Variants in ZNF136 observed in about 807,000 individuals in gnomAD.
The protein encoded by ZNF136 is zinc finger protein 136 (clone pHZ-20).
Under a neutral mutation model 11.4 loss-of-function variants are expected in ZNF136, and 8 were observed. The ratio of observed to expected loss-of-function variants is 0.70; its 90% confidence interval spans 0.41 to 1.27. The LOEUF is 1.27. Among genes scored for constraint, ZNF136 ranks in the 50% most tolerant of loss-of-function variants. ZNF136 has a pLI of 0.01. For synonymous variants in ZNF136, 190 were observed against 207.1 expected (o/e 0.92, Z 0.71); for missense variants, 590 against 656.5 (o/e 0.90, Z 1.11).
At chr19:12,172,518 T>C (rs910838606) in intron 1 of ZNF136, among the ~76,000 whole-genome samples, 6 of 152,228 alleles carry the variant, frequency 3.9e-5, no homozygotes, top group Admixed American at 3.3e-4. Flanking sequence ...CCATTGTCAG[T>C]TTAATCCTAG....
chr19:12,172,246 G>A (rs556619578), intron 1 of ZNF136, among the ~76,000 whole-genome samples: 2 of 152,098 alleles, frequency 1.3e-5, no homozygotes, highest in Non-Finnish European at 2.9e-5. Flanking sequence ...ACTGTGCCTG[G>A]CTGCTTTTGT....
intron 1 of ZNF136, among the ~76,000 whole-genome samples, chr19:12,183,374 G>T (rs1914994060): frequency 6.6e-6 from 1 of 152,078 alleles, no homozygotes; most frequent in Non-Finnish European, 1.5e-5. Context: ...GAGCTCAAGT[G>T]ATCCTCCTAC....
chr19:12,185,059 A>C (rs867768430), intron 1 of ZNF136: 1 of 152,234 alleles, frequency 6.6e-6, no homozygotes, highest in Non-Finnish European at 1.5e-5. Flanking sequence ...GATCAGTGCT[A>C]ACTCATAGGC....
At position 12,179,000 on chromosome 19, in the gene ZNF136, AAAAG is replaced by A. The variant is rs202191242; in HGVS notation, c.4-6773_4-6770del. On this transcript the variant is annotated intron_variant, in intron 1 of 3. Coordinates refer to ENST00000343979, the MANE Select transcript of ZNF136 (RefSeq NM_003437.5). ...TGAGACTCTGTCTCACAAAAGAAAAAAAAGAAAGAAAGAAAAAAAAAAAAGAAAA... is the reference window on the plus strand; with the variant it reads ...TGAGACTCTGTCTCACAAAAGAAAAAAAAGAAAGAAAAAAAAAAAAGAAAA... 4.1e-3 allele frequency among the ~76,000 whole-genome samples: 629 copies of A among 152,188 alleles called. 5 individuals are homozygous for A. Among genetic ancestry groups the A allele is most frequent in the African/African-American group, 1.0e-2 (414 of 41,530 alleles).
chr19:12,186,612 T>C lies in ZNF136; in HGVS notation c.234T>C (p.Ser78=). 6.2e-7 allele frequency: 1 copy of C among 1,614,082 alleles called. No individual in the cohort carries two copies. Among genetic ancestry groups the C allele is most frequent in the East Asian group, 2.2e-5 (1 of 44,878 alleles). ...GACTCTATCAAACTAAGGATGGTAGTCAGCGTGGAGGAATTTTTAGCCAGT... is the reference window on the plus strand; with the variant it reads ...GACTCTATCAAACTAAGGATGGTAGCCAGCGTGGAGGAATTTTTAGCCAGT... ...LERLYQTKDG[S]QRGGIFSQFA... The change falls in exon 4 of 4, where the codon AGT becomes AGC. Residue 78 remains serine (S), a synonymous_variant. Transcript: ENST00000343979.
intron 1 of ZNF136, among the ~76,000 whole-genome samples, chr19:12,183,236 C>A (rs1427895917): frequency 6.6e-6 from 1 of 152,012 alleles, no homozygotes; most frequent in Non-Finnish European, 1.5e-5. Flanking sequence ...CCTCCACCTC[C>A]CCGGTTCAAG....
chr19:12,164,335 G>A (rs1238039561), intron 1 of ZNF136, among the ~76,000 whole-genome samples: 1 of 151,942 alleles, frequency 6.6e-6, no homozygotes, highest in Non-Finnish European at 1.5e-5. Flanking sequence ...GCAGTGACGT[G>A]ATCTCGGCTC....
intron 1 of ZNF136, chr19:12,169,314 C>T (rs530000033): frequency 5.2e-5 from 8 of 152,394 alleles, no homozygotes; most frequent in Non-Finnish European, 8.8e-5. Flanking sequence ...AACCTTACAT[C>T]GACTTGGTGA....
chr19:12,181,366 G>A lies in ZNF136; in HGVS notation c.4-4419G>A, dbSNP rs140108452. ...ACTCTCCTTGATCTGGCAGCAAACT[G>A]CTAAATTGTAGGTATAATTTCTGCA... On this transcript the variant is annotated intron_variant, in intron 1 of 3. Coordinates refer to ENST00000343979, the MANE Select transcript of ZNF136 (RefSeq NM_003437.5). Among the ~76,000 whole-genome samples the A allele has an allele frequency of 2.6e-4, 40 of 152,216 alleles. 1 individual carries two copies. In the East Asian group the frequency reaches 7.7e-3, roughly 29 times the overall value.
rs1202076001 is a variant in ZNF136, at chr19:12,187,203, T to G, written c.825T>G (p.Thr275=). ...SSFQVHERIH[T]GEKPFKCKQC... ...TTCAAGTGCATGAAAGAATTCACACTGGAGAAAAACCCTTTAAATGTAAGC... is the reference window on the plus strand; with the variant it reads ...TTCAAGTGCATGAAAGAATTCACACGGGAGAAAAACCCTTTAAATGTAAGC... The change falls in exon 4 of 4, where the codon ACT becomes ACG. Residue 275 remains threonine, a synonymous_variant. Transcript: ENST00000343979. 6.2e-7 allele frequency: 1 copy of G among 1,613,882 alleles called. No homozygotes were observed. Among genetic ancestry groups the G allele is most frequent in the African/African-American group, 1.3e-5 (1 of 74,882 alleles).
chr19:12,169,826 T>G (rs1314169703), intron 1 of ZNF136, among the ~76,000 whole-genome samples: 3 of 147,232 alleles, frequency 2.0e-5, no homozygotes, highest in Non-Finnish European at 4.5e-5. Context: ...ACAGAGTCTC[T>G]CTCTGTCCCC....
rs200639432 is a variant in ZNF136, at chr19:12,187,621, A to G, written c.1243A>G (p.Thr415Ala). Residue 415 changes from threonine (T) to alanine (A), a missense_variant, in exon 4 of 4, where the codon ACT becomes GCT. Physicochemically the swap from Thr to Ala is moderately conservative, Grantham distance 58. Transcript: ENST00000343979. ...SPFRIHERTH[T>A]GEKPYVCKHC... ...ATTTCGAATACATGAAAGAACTCAC[A>G]CTGGAGAGAAACCTTATGTATGTAA... is the stretch of plus-strand genomic sequence containing the variant. The G allele has an allele frequency of 2.4e-5, 38 of 1,614,034 alleles. No individual in the cohort carries two copies. Among genetic ancestry groups the G allele is most frequent in the Non-Finnish European group, 3.2e-5 (38 of 1,180,018 alleles).
chr19:12,180,149 A>G (rs1914906324), intron 1 of ZNF136, among the ~76,000 whole-genome samples: 1 of 152,220 alleles, frequency 6.6e-6, no homozygotes. Flanking sequence ...TACAGGCGTG[A>G]GCCACCGCCC....
rs149571290 is a variant in ZNF136 at position 12,187,768 on chromosome 19, C to G, written c.1390C>G (p.Arg464Gly). ...GKAFSYLNSF[R>G]THEMIHTGEK... ...AGCCTTCAGTTATCTCAACTCCTTT[C>G]GAACACATGAAATGATTCACACTGG... The change falls in exon 4 of 4, where the codon CGA becomes GGA. Residue 464 changes from arginine to glycine, a missense_variant. By Grantham distance (125) the Arg-to-Gly change is moderately radical (BLOSUM62 -2). Coordinates refer to ENST00000343979, the MANE Select transcript of ZNF136 (RefSeq NM_003437.5). The G allele has an allele frequency of 6.2e-7, 1 of 1,612,616 alleles. No individual in the cohort carries two copies. Among genetic ancestry groups the G allele is most frequent in the Non-Finnish European group, 8.5e-7 (1 of 1,179,534 alleles).
intron 1 of ZNF136, among the ~76,000 whole-genome samples, chr19:12,180,931 A>G (rs907740152): frequency 6.6e-6 from 1 of 152,204 alleles, no homozygotes; most frequent in African/African-American, 2.4e-5. Context: ...TCTGCCCCTT[A>G]AGCCACAGGG....
At chr19:12,184,269 A>G (rs1308697742) in intron 1 of ZNF136, among the ~76,000 whole-genome samples, 1 of 151,172 alleles carries the variant, frequency 6.6e-6, no homozygotes, top group Non-Finnish European at 1.5e-5. Context: ...CCATCCAAAA[A>G]AAAAAAGAGG....
chr19:12,172,989 C>T (rs545695664), intron 1 of ZNF136, among the ~76,000 whole-genome samples: 2 of 151,818 alleles, frequency 1.3e-5, no homozygotes, highest in East Asian at 1.9e-4. Flanking sequence ...TCCAGCCTGG[C>T]GACAGAGCCA....
At chr19:12,171,148 T>C (rs1599453424) in intron 1 of ZNF136, among the ~76,000 whole-genome samples, 2 of 151,948 alleles carry the variant, frequency 1.3e-5, no homozygotes, top group Admixed American at 1.3e-4. Flanking sequence ...CCCAGCTAAT[T>C]TTTTTTATTT....
At chr19:12,172,253 T>C (rs1421954675) in intron 1 of ZNF136, among the ~76,000 whole-genome samples, 2 of 152,144 alleles carry the variant, frequency 1.3e-5, no homozygotes, top group African/African-American at 4.8e-5. Context: ...CTGGCTGCTT[T>C]TGTTTTTAAG....
Sources: allele counts gnomAD v4.1 joint callset (sites outside exome capture counted in the v4.1 genomes callset), GRCh38; gene constraint gnomAD v4.1.1; transcripts MANE v1.5; gene names NCBI Gene and HGNC (gene_info 2026-07-23, HGNC 2026-07-21).